Variants in ADAMTS18 observed in about 807,000 individuals in gnomAD.
ADAMTS18 encodes the protein ADAM metallopeptidase with thrombospondin type 1 motif 18, also known as A disintegrin and metalloproteinase with thrombospondin motifs 18.
A neutral mutation model predicts 165.9 loss-of-function variants in ADAMTS18; 157 were observed. The observed-to-expected ratio is 0.95, with a 90% confidence interval of 0.83 to 1.08. The LOEUF (loss-of-function observed/expected upper bound fraction) is 1.08. Ranked by LOEUF, ADAMTS18 falls within the 50% of genes least tolerant of loss-of-function variation. The probability of loss-of-function intolerance (pLI) is 0.00; values close to 1 mark genes in which losing one functional copy is unlikely to be tolerated. For synonymous variants in ADAMTS18, 782 were observed against 578.2 expected, an observed-to-expected ratio of 1.35 and a Z score of -5.06; for missense variants, 2,040 against 1,534.0, an observed-to-expected ratio of 1.33 and a Z score of -5.51.
intron 11 of ADAMTS18, among the ~76,000 whole-genome samples, chr16:77,340,549 A>G (rs1032057120): frequency 2.6e-5 from 4 of 152,092 alleles, no homozygotes; most frequent in Non-Finnish European, 5.9e-5. Context: ...TGTTCCCCAT[A>G]TCTAGTAATG....
At chr16:77,339,854 TA>T (rs1389055720) in intron 11 of ADAMTS18, among the ~76,000 whole-genome samples, 2 of 151,110 alleles carry the variant, frequency 1.3e-5, no homozygotes, top group Non-Finnish European at 3.0e-5. Flanking sequence ...AACAAAGAGT[TA>T]AAAATTACAA....
chr16:77,434,666 G>C lies in ADAMTS18; in HGVS notation c.30C>G (p.Ala10=), dbSNP rs973988690. Residue 10 remains alanine, a synonymous_variant, in exon 1 of 23, where the codon GCC becomes GCG. Transcript: ENST00000282849. MECALLLAC[A]FPAAGSGPPR... ...GCGGGCCCGAACCCGCAGCCGGGAAGGCACACGCGAGCAGGAGGGCGCACT... is the reference window on the plus strand; with the variant it reads ...GCGGGCCCGAACCCGCAGCCGGGAACGCACACGCGAGCAGGAGGGCGCACT... 1 of 1,479,176 alleles carries C rather than the reference G, an allele frequency of 6.8e-7. No individual in the cohort carries two copies. Among genetic ancestry groups the C allele is most frequent in the African/African-American group, 1.5e-5 (1 of 68,214 alleles). The allele number at this position is 1,479,176 out of a possible 1,614,324, so 91.6% of individuals were successfully genotyped here.
At chr16:77,422,114 C>T (rs1028390557) in intron 3 of ADAMTS18, among the ~76,000 whole-genome samples, 11 of 152,016 alleles carry the variant, frequency 7.2e-5, no homozygotes, top group African/African-American at 1.7e-4. Context: ...TGCTATGCAT[C>T]GTTCCAGACC....
intron 7 of ADAMTS18, among the ~76,000 whole-genome samples, 174 bp from the exon 8 acceptor site, chr16:77,359,597 A>C (rs552340839): frequency 8.6e-5 from 13 of 151,442 alleles, no homozygotes; most frequent in Admixed American, 2.6e-4. Context: ...GTGTAATGAT[A>C]ATGTATAAAT....
intron 3 of ADAMTS18, among the ~76,000 whole-genome samples, chr16:77,373,465 G>GAAAAAAAAAAAAAAA (rs371326389): frequency 1.3e-5 from 1 of 78,204 alleles, no homozygotes; most frequent in African/African-American, 4.3e-5. Flanking sequence ...CCTCAAAAAA[G>GAAAAAAAAAAAAAAA]AAAAAAAAAA....
intron 22 of ADAMTS18, among the ~76,000 whole-genome samples, chr16:77,285,266 G>GTATTCAAA (rs1413400848): frequency 6.6e-6 from 1 of 152,152 alleles, no homozygotes; most frequent in African/African-American, 2.4e-5. Flanking sequence ...TCCGCCTCAT[G>GTATTCAAA]TATTCAAATG....
At chr16:77,434,070 A>T (rs1003929900) in intron 2 of ADAMTS18, among the ~76,000 whole-genome samples, 1 of 152,242 alleles carries the variant, frequency 6.6e-6, no homozygotes, top group Non-Finnish European at 1.5e-5. Context: ...GCTTCCCCCA[A>T]CAAGAGTTAG....
chr16:77,377,786 C>T (rs2144764121), intron 3 of ADAMTS18, among the ~76,000 whole-genome samples: 1 of 152,222 alleles, frequency 6.6e-6, no homozygotes, highest in South Asian at 2.1e-4. Flanking sequence ...TAAATCTAAG[C>T]AAGAACACTA....
In ADAMTS18 at chr16:77,343,022, TCC is replaced by T. The variant is rs34451971; in HGVS notation, c.1615-1225_1615-1224del. On this transcript the variant is annotated intron_variant, in intron 10 of 22. Coordinates refer to ENST00000282849, the MANE Select transcript of ADAMTS18 (RefSeq NM_199355.4). ...CTGAAAAAGGCATGAAAATGACTTC[TCC>T]CCTAAGGCCTTCAAAACCCTGCTAA... is the stretch of plus-strand genomic sequence containing the variant. 1.5e-4 allele frequency among the ~76,000 whole-genome samples: 23 copies of T among 151,322 alleles called. 1 individual carries two copies. Among genetic ancestry groups the T allele is most frequent in the Admixed American group, 1.5e-3 (23 of 15,190 alleles).
At chr16:77,409,226 T>A (rs1410214066) in intron 3 of ADAMTS18, among the ~76,000 whole-genome samples, 2 of 152,284 alleles carry the variant, frequency 1.3e-5, no homozygotes, top group South Asian at 4.2e-4. Context: ...TAATTATTTT[T>A]AAAGCAGAAA....
At chr16:77,416,086 T>C (rs2057526576) in intron 3 of ADAMTS18, among the ~76,000 whole-genome samples, 1 of 151,962 alleles carries the variant, frequency 6.6e-6, no homozygotes, top group Non-Finnish European at 1.5e-5. Flanking sequence ...TAAAGAAAAT[T>C]ACAGCAGAGA....
intron 22 of ADAMTS18, among the ~76,000 whole-genome samples, chr16:77,289,011 G>T (rs551112129): frequency 6.6e-6 from 1 of 152,258 alleles, no homozygotes; most frequent in African/African-American, 2.4e-5. Context: ...CATGAACCCG[G>T]GAGGCAGAGG....
In ADAMTS18 at chr16:77,410,277, T is replaced by C. The variant is rs113788659; in HGVS notation, c.495+21018A>G. Among the ~76,000 whole-genome samples, 1,416 of 143,616 alleles carry C rather than the reference T, an allele frequency of 9.9e-3. 22 individuals carry two copies. The highest frequency in any genetic ancestry group is 0.035 in the African/African-American group (1,356 of 39,208). 94.2% of individuals were successfully genotyped at this position (143,616 alleles called of 152,430 possible). On this transcript the variant is annotated intron_variant, in intron 3 of 22. Coordinates refer to ENST00000282849, the MANE Select transcript of ADAMTS18 (RefSeq NM_199355.4). ...AATTGATTTATGACCCAAGAATTGG[T>C]TGCAACCCAAATTTGAAAAAAAAAA... is the stretch of plus-strand genomic sequence containing the variant.
chr16:77,284,403 C>G (rs758420307), intron 22 of ADAMTS18, among the ~76,000 whole-genome samples: 1 of 152,126 alleles, frequency 6.6e-6, no homozygotes, highest in Non-Finnish European at 1.5e-5. Flanking sequence ...ACTGGGATTA[C>G]AGGTGTGATC....
chr16:77,331,433 G>A (rs1361871046), intron 12 of ADAMTS18, among the ~76,000 whole-genome samples: 3 of 152,058 alleles, frequency 2.0e-5, no homozygotes, highest in East Asian at 3.9e-4. Context: ...AGTATCAGGA[G>A]GTTAAATAAC....
intron 13 of ADAMTS18, among the ~76,000 whole-genome samples, 190 bp from the exon 14 acceptor site, chr16:77,322,656 A>C (rs953451148): frequency 1.3e-5 from 2 of 152,226 alleles, no homozygotes; most frequent in African/African-American, 4.8e-5. Context: ...AATCCATATA[A>C]AACTAATTTA....
At chr16:77,341,984 G>T (rs1187393072) in intron 10 of ADAMTS18, among the ~76,000 whole-genome samples, 185 bp from the exon 11 acceptor site, 1 of 152,114 alleles carries the variant, frequency 6.6e-6, no homozygotes, top group Admixed American at 6.6e-5. Context: ...ATAAGTGGGG[G>T]GTTTCTACAG....
At position 77,301,912 on chromosome 16, in the gene ADAMTS18, G is replaced by A. The variant is rs552527025; in HGVS notation, c.2533-1508C>T. On this transcript the variant is annotated intron_variant, in intron 16 of 22. Coordinates refer to ENST00000282849, the MANE Select transcript of ADAMTS18 (RefSeq NM_199355.4). ...AACACAACAGGTAGTACCATTACATGAACAAATGCCCAGTTATCAGTTGCC... is the reference window on the plus strand; with the variant it reads ...AACACAACAGGTAGTACCATTACATAAACAAATGCCCAGTTATCAGTTGCC... Among the ~76,000 whole-genome samples, 4 of 150,032 alleles carry A rather than the reference G, an allele frequency of 2.7e-5. No individual in the cohort carries two copies. In the East Asian group the frequency reaches 7.9e-4, roughly 30 times the overall value.
At chr16:77,294,552 A>G (rs1181321764) in intron 19 of ADAMTS18, among the ~76,000 whole-genome samples, 4 of 152,166 alleles carry the variant, frequency 2.6e-5, no homozygotes, top group Admixed American at 2.0e-4. Flanking sequence ...CCTCTTTCCC[A>G]TTGAAGCAAG....
Sources: allele counts gnomAD v4.1 joint callset (sites outside exome capture counted in the v4.1 genomes callset), GRCh38; gene constraint gnomAD v4.1.1; transcripts MANE v1.5; gene names NCBI Gene and HGNC (gene_info 2026-07-23, HGNC 2026-07-21).